Variants in TM2D2 observed in about 807,000 individuals in gnomAD.
The protein encoded by TM2D2 is TM2 domain containing 2.
Under a neutral mutation model 23.0 loss-of-function variants are expected in TM2D2, and 19 were observed. The observed-to-expected ratio is 0.82, with a 90% confidence interval of 0.58 to 1.21. The LOEUF (loss-of-function observed/expected upper bound fraction) is 1.21. Among genes scored for constraint, TM2D2 ranks in the 50% most tolerant of loss-of-function variants. The pLI, the probability that TM2D2 is intolerant of heterozygous loss-of-function variation, is 0.00. For missense variants in TM2D2, 246 were observed against 265.4 expected (o/e 0.93, Z 0.51); for synonymous variants, 120 against 108.8 (o/e 1.10, Z -0.64).
rs1468575147 is a variant in TM2D2, at chr8:38,989,260, A to G, written c.*2072T>C. On this transcript the variant is annotated 3_prime_UTR_variant, in exon 4 of 4. Transcript: ENST00000456397. ...TTTCTAGTCTTTTAGCCCTTCAACC[A>G]AGCTCTTACCCCTGGCAACATAAAT... is the stretch of plus-strand genomic sequence containing the variant. The G allele has an allele frequency of 6.6e-6, 1 of 152,182 alleles. No individual in the cohort carries two copies. Among genetic ancestry groups the G allele is most frequent in the Non-Finnish European group, 1.5e-5 (1 of 68,030 alleles). The allele number at this position is 152,182 out of a possible 1,614,324, so 9.4% of individuals were successfully genotyped here.
intron 3 of TM2D2, among the ~76,000 whole-genome samples, chr8:38,992,460 TG>T (rs1174997488): frequency 6.6e-6 from 1 of 150,428 alleles, no homozygotes; most frequent in Admixed American, 6.7e-5. Flanking sequence ...CACTCCAGCC[TG>T]GGCAATGGAA....
intron 1 of TM2D2, 90 bp downstream of exon 1, chr8:38,996,123 G>A: frequency 1.4e-6 from 2 of 1,431,810 alleles, no homozygotes; most frequent in Non-Finnish European, 1.9e-6. Context: ...CTGAAAAAAT[G>A]CAGCGTCCCC....
intron 2 of TM2D2, 79 bp from the exon 3 acceptor site, chr8:38,993,739 C>G (rs770902835): frequency 3.4e-5 from 36 of 1,073,914 alleles, no homozygotes; most frequent in Non-Finnish European, 5.0e-5. Context: ...TCACTAATAA[C>G]AGAATGAAAG....
rs1318379049 is a variant in TM2D2 at position 38,996,430 on chromosome 8, C to T, written c.10G>A (p.Gly4Ser). Residue 4 changes from glycine to serine, a missense_variant, in exon 1 of 4, where the codon GGT (glycine) becomes AGT (serine). Coordinates refer to ENST00000456397, the MANE Select transcript of TM2D2 (RefSeq NM_078473.3). ...AGTAAGTAACTAACCGGGCAACCAC[C>T]TAGCACCATCTTCCCGGGCACAGGA... MVLGGCPVSYLLLC... is the reference protein window; with the variant it reads MVLSGCPVSYLLLC... 1 of 1,614,094 alleles carries T rather than the reference C, an allele frequency of 6.2e-7. No individual in the cohort carries two copies. The highest frequency in any genetic ancestry group is 1.3e-5 in the African/African-American group (1 of 75,076).
chr8:38,995,179 T>C, intron 2 of TM2D2, 139 bp downstream of exon 2: 1 of 638,282 alleles, frequency 1.6e-6, no homozygotes, highest in Non-Finnish European at 2.6e-6. Context: ...ACCCTGGCCA[T>C]ACTGGAAATT....
chr8:38,991,303 G>A lies in TM2D2; in HGVS notation c.*29C>T, dbSNP rs771878245. Reference sequence around the variant, plus strand: ...AATTCAGAAGACGGAGCTTTCACCCGCCTCCCTGGGCCATGATGGCAGCTC... The same window carrying A: ...AATTCAGAAGACGGAGCTTTCACCCACCTCCCTGGGCCATGATGGCAGCTC... On this transcript the variant is annotated 3_prime_UTR_variant, in exon 4 of 4. Coordinates refer to ENST00000456397, the MANE Select transcript of TM2D2 (RefSeq NM_078473.3). 8 of 1,587,206 alleles carry A rather than the reference G, an allele frequency of 5.0e-6. No homozygotes were observed. The highest frequency in any genetic ancestry group is 1.8e-4 in the Middle Eastern group (1 of 5,692).
chr8:38,995,483 G>C, intron 1 of TM2D2, 78 bp from the exon 2 acceptor site: 1 of 1,587,972 alleles, frequency 6.3e-7, no homozygotes, highest in Non-Finnish European at 8.5e-7. Flanking sequence ...TAATCAAAAC[G>C]GGCAAAAGAC....
At chr8:38,993,736 T>C in intron 2 of TM2D2, 76 bp from the exon 3 acceptor site, 1 of 1,096,658 alleles carries the variant, frequency 9.1e-7, no homozygotes, top group Non-Finnish European at 1.4e-6. Flanking sequence ...TATTCACTAA[T>C]AACAGAATGA....
chr8:38,995,863 C>T (rs1457054629), intron 1 of TM2D2: 1 of 1,061,304 alleles, frequency 9.4e-7, no homozygotes, highest in African/African-American at 1.6e-5. Flanking sequence ...TCATTTACTC[C>T]ATTTATGCCT....
chr8:38,991,719 C>A (rs1317883564), intron 3 of TM2D2, among the ~76,000 whole-genome samples, 174 bp from the exon 4 acceptor site: 1 of 152,050 alleles, frequency 6.6e-6, no homozygotes, highest in East Asian at 1.9e-4. Flanking sequence ...TCAGGAAAAA[C>A]CAAAGTTTAT....
chr8:38,995,614 G>T (rs983339842), intron 1 of TM2D2: 18 of 1,459,848 alleles, frequency 1.2e-5, no homozygotes, highest in Non-Finnish European at 1.2e-5. Flanking sequence ...GTTGGAGAAG[G>T]GAGGTGTTTC....
Position 38,989,285 on chromosome 8 carries a change from T to C in TM2D2, c.*2047A>G, listed in dbSNP as rs1002700944. ...AAGCTCTTACCCCTGGCAACATAAA[T>C]GACTTCAAGCCTTGGAGCTGCAAAA... On this transcript the variant is annotated 3_prime_UTR_variant, in exon 4 of 4. Transcript: ENST00000456397. 6.6e-6 allele frequency: 1 copy of C among 152,228 alleles called. No homozygotes were observed. Among genetic ancestry groups the C allele is most frequent in the African/African-American group, 2.4e-5 (1 of 41,450 alleles). The allele number at this position is 152,228 out of a possible 1,614,324, so 9.4% of individuals were successfully genotyped here.
chr8:38,995,908 C>T, intron 1 of TM2D2: 2 of 820,320 alleles, frequency 2.4e-6, no homozygotes, highest in South Asian at 4.5e-5. Context: ...CCGACTAATA[C>T]TCTCCTTGGG....
chr8:38,995,318 C>T lies in TM2D2; in HGVS notation c.315G>A (p.Lys105=), dbSNP rs370687207. The change falls in exon 2 of 4, where the codon AAG becomes AAA. Residue 105 remains lysine (K), a splice_region_variant and synonymous_variant. Transcript: ENST00000456397. ...CTCTTACGACAAAACAAAAACTCAC[C>T]TTGAGACAACCATAACCAAGTTCCT... The part of the protein sequence containing the change: ...ASQELGYGCL[K]FGGQAYSDVE... 1 of 1,586,394 alleles carries T rather than the reference C, an allele frequency of 6.3e-7. No homozygotes were observed. The highest frequency in any genetic ancestry group is 1.4e-5 in the African/African-American group (1 of 72,988).
chr8:38,995,477 C>A, intron 1 of TM2D2, 72 bp from the exon 2 acceptor site: 1 of 1,591,960 alleles, frequency 6.3e-7, no homozygotes, highest in South Asian at 1.1e-5. Flanking sequence ...TGCACGTAAT[C>A]AAAACGGGCA....
At chr8:38,992,044 T>C (rs1835617338) in intron 3 of TM2D2, among the ~76,000 whole-genome samples, 1 of 152,124 alleles carries the variant, frequency 6.6e-6, no homozygotes, top group Non-Finnish European at 1.5e-5. Context: ...TAGACTAGTT[T>C]GCATATCAAA....
chr8:38,996,115 G>T, intron 1 of TM2D2, 98 bp downstream of exon 1: 2 of 1,408,834 alleles, frequency 1.4e-6, no homozygotes, highest in Non-Finnish European at 1.9e-6. Flanking sequence ...GGCAGGGTCT[G>T]AAAAAATGCA....
chr8:38,996,499 A>C lies in TM2D2; in HGVS notation c.-60T>G, dbSNP rs979240907. 1 of 1,597,112 alleles carries C rather than the reference A, an allele frequency of 6.3e-7. No homozygotes were observed. Among genetic ancestry groups the C allele is most frequent in the African/African-American group, 1.3e-5 (1 of 74,724 alleles). On this transcript the variant is annotated 5_prime_UTR_variant, in exon 1 of 4. Coordinates refer to ENST00000456397, the MANE Select transcript of TM2D2 (RefSeq NM_078473.3). ...CCACAACCCCAGGCCAGCAGCACAG[A>C]CCCAAGAACTGCGTGGTCAGGCCTT...
At chr8:38,993,396 C>T (rs1014947697) in intron 3 of TM2D2, 149 bp downstream of exon 3, 7 of 493,384 alleles carry the variant, frequency 1.4e-5, no homozygotes, top group South Asian at 2.3e-5. Flanking sequence ...GTCCAGGCTG[C>T]GATAAGCCAT....
Sources: allele counts gnomAD v4.1 joint callset (sites outside exome capture counted in the v4.1 genomes callset), GRCh38; gene constraint gnomAD v4.1.1; transcripts MANE v1.5; gene names NCBI Gene and HGNC (gene_info 2026-07-23, HGNC 2026-07-21).